ADAMTSL1: variants seen among roughly 807,000 people sequenced by gnomAD.
ADAMTSL1 encodes ADAMTS-like protein 1.
In ADAMTSL1, 126 loss-of-function variants were observed where a neutral mutation model predicts 201.8. The ratio of observed to expected loss-of-function variants is 0.62; its 90% CI spans 0.54 to 0.72. The LOEUF is 0.72. Ranked by LOEUF, ADAMTSL1 falls within the 30% of genes least tolerant of loss-of-function variation. The pLI is 0.00. For synonymous variants in ADAMTSL1, 1,121 were observed against 903.4 expected, an observed-to-expected ratio of 1.24 and a Z score of -4.32; for missense variants, 2,679 against 2,277.8, an observed-to-expected ratio of 1.18 and a Z score of -3.59.
chr9:18,035,420 G>C (rs530861924), intron 1 of ADAMTSL1, among the ~76,000 whole-genome samples: 1 of 152,148 alleles, frequency 6.6e-6, no homozygotes, highest in Non-Finnish European at 1.5e-5. Context: ...TAGGGATTGC[G>C]ATGGTGAGGA....
chr9:18,263,520 C>G (rs1260484602), intron 2 of ADAMTSL1, among the ~76,000 whole-genome samples: 1 of 152,178 alleles, frequency 6.6e-6, no homozygotes, highest in African/African-American at 2.4e-5. Flanking sequence ...GCAGTCAGTT[C>G]AGCTCTCATT....
chr9:18,580,089 A>G (rs917436728), intron 4 of ADAMTSL1, among the ~76,000 whole-genome samples: 1 of 152,232 alleles, frequency 6.6e-6, no homozygotes, highest in East Asian at 1.9e-4. Flanking sequence ...TTTATCATGA[A>G]TCTGCATATT....
intron 1 of ADAMTSL1, among the ~76,000 whole-genome samples, chr9:17,995,503 A>T (rs1188527755): frequency 2.6e-5 from 4 of 152,100 alleles, no homozygotes; most frequent in African/African-American, 7.2e-5. Flanking sequence ...GGCAAAAGGA[A>T]ATTAGGTGCT....
chr9:18,199,786 A>G (rs1023093169), intron 2 of ADAMTSL1, among the ~76,000 whole-genome samples: 3 of 152,142 alleles, frequency 2.0e-5, no homozygotes, highest in Non-Finnish European at 2.9e-5. Context: ...GATTTATAAA[A>G]TTCTTCATTA....
chr9:18,000,456 C>G (rs181756176), intron 1 of ADAMTSL1, among the ~76,000 whole-genome samples: 51 of 152,082 alleles, frequency 3.4e-4, no homozygotes, highest in Non-Finnish European at 6.0e-4. Flanking sequence ...TATGGACCCA[C>G]AGTCAGAGGA....
intron 2 of ADAMTSL1, among the ~76,000 whole-genome samples, chr9:18,410,286 T>A (rs960617585): frequency 2.0e-5 from 3 of 151,946 alleles, no homozygotes; most frequent in Admixed American, 6.6e-5. Flanking sequence ...GCCATGGTGG[T>A]TTACTGTGCA....
chr9:18,313,821 C>G (rs1834247705), intron 2 of ADAMTSL1, among the ~76,000 whole-genome samples: 1 of 151,960 alleles, frequency 6.6e-6, no homozygotes, highest in Non-Finnish European at 1.5e-5. Flanking sequence ...GTAATGAAAG[C>G]AAAATAAATG....
chr9:18,682,077 A>C, intron 12 of ADAMTSL1, 118 bp downstream of exon 12: 1 of 1,201,256 alleles, frequency 8.3e-7, no homozygotes, highest in East Asian at 2.5e-5. Context: ...ATTCTTTATA[A>C]CTTAAACTCT....
At chr9:18,011,536 A>G (rs1274418216) in intron 1 of ADAMTSL1, among the ~76,000 whole-genome samples, 1 of 152,006 alleles carries the variant, frequency 6.6e-6, no homozygotes, top group Non-Finnish European at 1.5e-5. Flanking sequence ...GTGGAAGTGA[A>G]GTCACAAGCT....
intron 20 of ADAMTSL1, among the ~76,000 whole-genome samples, chr9:18,802,476 A>G (rs1822863729): frequency 6.6e-6 from 1 of 152,186 alleles, no homozygotes; most frequent in African/African-American, 2.4e-5. Flanking sequence ...CATACAGTAT[A>G]TGGTTCTTTA....
chr9:18,117,852 G>T (rs1203790615), intron 1 of ADAMTSL1, among the ~76,000 whole-genome samples: 1 of 152,084 alleles, frequency 6.6e-6, no homozygotes, highest in Non-Finnish European at 1.5e-5. Context: ...ATAAAACCAT[G>T]CATAGCTACC....
chr9:18,419,453 T>C (rs1013022801), intron 2 of ADAMTSL1, among the ~76,000 whole-genome samples: 3 of 152,150 alleles, frequency 2.0e-5, no homozygotes, highest in Non-Finnish European at 4.4e-5. Flanking sequence ...GCTGGATGTT[T>C]ACTCTAGAGA....
At chr9:17,996,981 C>T (rs1237184269) in intron 1 of ADAMTSL1, among the ~76,000 whole-genome samples, 2 of 152,120 alleles carry the variant, frequency 1.3e-5, no homozygotes, top group Non-Finnish European at 2.9e-5. Flanking sequence ...ATTTAACCTC[C>T]TTGCTATTTC....
chr9:18,164,320 T>C (rs1827539088), intron 2 of ADAMTSL1, among the ~76,000 whole-genome samples: 2 of 151,970 alleles, frequency 1.3e-5, no homozygotes, highest in South Asian at 2.1e-4. Flanking sequence ...AGGAGATTTA[T>C]ATGTAAAGCC....
intron 12 of ADAMTSL1, among the ~76,000 whole-genome samples, chr9:18,683,620 T>G (rs1333332189): frequency 6.6e-6 from 1 of 152,252 alleles, no homozygotes; most frequent in Non-Finnish European, 1.5e-5. Flanking sequence ...GCAAATCATT[T>G]TGGCTTTGGC....
intron 2 of ADAMTSL1, among the ~76,000 whole-genome samples, chr9:18,280,617 G>A (rs1020537767): frequency 6.6e-6 from 1 of 151,984 alleles, no homozygotes; most frequent in Admixed American, 6.6e-5. Context: ...TTAAGTGCTC[G>A]AGTTTTGTAC....
chr9:18,102,501 A>C (rs1193602017), intron 1 of ADAMTSL1, among the ~76,000 whole-genome samples: 1 of 152,234 alleles, frequency 6.6e-6, no homozygotes, highest in Admixed American at 6.5e-5. Flanking sequence ...TCAGTTAGTT[A>C]GTGGTCACTT....
At chr9:18,175,664 A>G (rs1372326762) in intron 2 of ADAMTSL1, among the ~76,000 whole-genome samples, 1 of 151,744 alleles carries the variant, frequency 6.6e-6, no homozygotes, top group East Asian at 1.9e-4. Context: ...TTCCTTCCCT[A>G]CTCTCTAGAC....
At chr9:18,770,495 G>A in intron 16 of ADAMTSL1, 107 bp from the exon 17 acceptor site, 1 of 1,171,694 alleles carries the variant, frequency 8.5e-7, no homozygotes, top group Non-Finnish European at 1.2e-6. Flanking sequence ...TCTTCTTCTG[G>A]ATTTTTTTTT....
Sources: allele counts gnomAD v4.1 joint callset (sites outside exome capture counted in the v4.1 genomes callset), GRCh38; gene constraint gnomAD v4.1.1; transcripts MANE v1.5; gene names NCBI Gene and HGNC (gene_info 2026-07-23, HGNC 2026-07-21).